The following OPHN1 variants were observed in gnomAD, a reference collection of about 807,000 sequenced individuals.
OPHN1 encodes the protein oligophrenin-1.
OPHN1 carries 11 observed loss-of-function variants against 60.7 expected under a neutral mutation model. That is an observed-to-expected ratio of 0.18 (90% CI 0.11 to 0.30). The LOEUF is 0.30. OPHN1 is among the 10% of genes least tolerant of loss of function. OPHN1 has a pLI of 1.00. For synonymous variants in OPHN1, 226 were observed against 222.6 expected (o/e 1.02, Z -0.14); for missense variants, 449 against 611.0 (o/e 0.73, Z 2.80).
At chrX:68,319,715 G>A (rs1602322257) in intron 2 of OPHN1, among the ~76,000 whole-genome samples, 1 of 110,034 alleles carries the variant, frequency 9.1e-6, no homozygotes, top group South Asian at 4.0e-4. Flanking sequence ...CAGCCTGAGA[G>A]ACCAGAATGA....
chrX:68,148,602 A>G (rs973150268), intron 15 of OPHN1, among the ~76,000 whole-genome samples: 7 of 111,013 alleles, frequency 6.3e-5, no homozygotes, highest in Non-Finnish European at 1.1e-4. Flanking sequence ...AAAATGAGGA[A>G]AAAGGGCAAG....
chrX:68,084,098 T>G (rs997169332), intron 19 of OPHN1, among the ~76,000 whole-genome samples: 1 of 110,415 alleles, frequency 9.1e-6, no homozygotes, highest in Non-Finnish European at 1.9e-5. Flanking sequence ...TAGACTTGCT[T>G]GAAACAGGAT....
At chrX:68,359,304 A>T (rs2078458421) in intron 2 of OPHN1, among the ~76,000 whole-genome samples, 1 of 111,792 alleles carries the variant, frequency 8.9e-6, no homozygotes, top group Admixed American at 9.6e-5. Flanking sequence ...TACAATAACT[A>T]CAAGCCTCCA....
intron 21 of OPHN1, among the ~76,000 whole-genome samples, chrX:68,061,893 C>T (rs2076894482): frequency 9.0e-6 from 1 of 111,657 alleles, no homozygotes; most frequent in Non-Finnish European, 1.9e-5. Context: ...CTAAATTGTG[C>T]TCTGAGACAA....
intron 2 of OPHN1, among the ~76,000 whole-genome samples, chrX:68,402,391 AG>A (rs1436404299): frequency 4.9e-4 from 12 of 24,689 alleles, no homozygotes; most frequent in South Asian, 4.7e-3. Flanking sequence ...GAGAGAAAGA[AG>A]AGAAGAGAAG....
At chrX:68,311,302 C>T (rs2078171806) in intron 2 of OPHN1, among the ~76,000 whole-genome samples, 1 of 111,397 alleles carries the variant, frequency 9.0e-6, no homozygotes, top group Non-Finnish European at 1.9e-5. Context: ...AGAAAAAGAA[C>T]AAAATGGGAA....
intron 18 of OPHN1, among the ~76,000 whole-genome samples, chrX:68,102,819 A>G (rs1260802543): frequency 9.0e-6 from 1 of 111,651 alleles, no homozygotes; most frequent in African/African-American, 3.3e-5. Flanking sequence ...TCCCAAGACT[A>G]AACCAGGAAG....
intron 15 of OPHN1, among the ~76,000 whole-genome samples, chrX:68,153,221 A>C (rs1001581854): frequency 1.3e-4 from 14 of 109,677 alleles, no homozygotes; most frequent in African/African-American, 4.7e-4. Context: ...AAAAAAAAAA[A>C]AAAAAGAAAA....
At chrX:68,195,071 A>G (rs57245406) in intron 12 of OPHN1, among the ~76,000 whole-genome samples, 55 of 90,570 alleles carry the variant, frequency 6.1e-4, no homozygotes, top group African/African-American at 2.5e-3. Flanking sequence ...AGGAAGAAAG[A>G]AAGAAAATAC....
Position 68,261,835 on chromosome X carries a change from CT to C in OPHN1, c.384+12902del, listed in dbSNP as rs779903499. On this transcript the variant is annotated intron_variant, in intron 5 of 24. Coordinates refer to ENST00000355520, the MANE Select transcript of OPHN1 (RefSeq NM_002547.3). ...GGTTCAAATCCTGGATTGTCCACTT[CT>C]TTTTGCCACTGTCAAATAAGTCTAT... Among the ~76,000 whole-genome samples the C allele has an allele frequency of 9.9e-4, 110 of 111,582 alleles. 1 individual carries two copies. The highest frequency in any genetic ancestry group is 3.3e-3 in the African/African-American group (102 of 30,726).
chrX:68,287,717 T>C (rs1375568854), intron 3 of OPHN1, among the ~76,000 whole-genome samples: 1 of 112,150 alleles, frequency 8.9e-6, no homozygotes, highest in African/African-American at 3.2e-5. Context: ...AATAGGAACA[T>C]GGCAAATTAA....
Position 68,158,904 on chromosome X carries a change from G to GC in OPHN1, c.1276+34014dup, listed in dbSNP as rs752375927. ...AGGAAAAGTAATCTGAGAATACTAGGCCCCAATCAGCCCTGCTCCAGCTAA... is the reference window on the plus strand; with the variant it reads ...AGGAAAAGTAATCTGAGAATACTAGGCCCCCAATCAGCCCTGCTCCAGCTAA... On this transcript the variant is annotated intron_variant, in intron 15 of 24. Coordinates refer to ENST00000355520, the MANE Select transcript of OPHN1 (RefSeq NM_002547.3). 2.6e-4 allele frequency among the ~76,000 whole-genome samples: 29 copies of GC among 111,804 alleles called. No homozygotes were observed. In the East Asian group the frequency reaches 7.9e-3, roughly 31 times the overall value.
chrX:68,082,243 C>T (rs1052534622), intron 19 of OPHN1, among the ~76,000 whole-genome samples: 6 of 112,122 alleles, frequency 5.4e-5, no homozygotes, highest in Non-Finnish European at 9.4e-5. Context: ...TTAACTTTTT[C>T]AAACCTCTGT....
chrX:68,231,790 G>T, intron 6 of OPHN1, among the ~76,000 whole-genome samples: 1 of 111,789 alleles, frequency 8.9e-6, no homozygotes, highest in African/African-American at 3.2e-5. Context: ...AGAGGTAGAG[G>T]TAGAAGGAGG....
chrX:68,359,855 CAAAAAAAAA>C (rs1186524030), intron 2 of OPHN1, among the ~76,000 whole-genome samples: 4 of 19,225 alleles, frequency 2.1e-4, no homozygotes, highest in Admixed American at 6.6e-4. Context: ...GACTCCGTCT[CAAAAAAAAA>C]AAAAAAAAAA....
rs778696367 is a variant in OPHN1 at position 68,404,164 on chromosome X, C to CT, written c.154+28702dup. ...AAAACAGTATGGTGGTTCCTAAAAACTTTTTTTTTTTTTTGAGACAGAGTC... is the reference window on the plus strand; with the variant it reads ...AAAACAGTATGGTGGTTCCTAAAAACTTTTTTTTTTTTTTTGAGACAGAGTC... On this transcript the variant is annotated intron_variant, in intron 2 of 24. Transcript: ENST00000355520. Among the ~76,000 whole-genome samples the CT allele has an allele frequency of 2.1e-3, 210 of 100,836 alleles. 2 individuals are homozygous for CT. Among genetic ancestry groups the CT allele is most frequent in the Non-Finnish European group, 2.7e-3 (131 of 49,301 alleles). The allele number at this position is 100,836 out of a possible 115,157, so 87.6% of individuals were successfully genotyped here.
chrX:68,344,322 G>T (rs760698876), intron 2 of OPHN1, among the ~76,000 whole-genome samples: 1 of 112,060 alleles, frequency 8.9e-6, no homozygotes, highest in Non-Finnish European at 1.9e-5. Context: ...ATTTATGTAA[G>T]AAATAATAGC....
chrX:68,126,450 AT>A (rs1167087086), intron 15 of OPHN1, among the ~76,000 whole-genome samples: 18 of 104,918 alleles, frequency 1.7e-4, no homozygotes, highest in Middle Eastern at 5.0e-3. Context: ...CTGCAATTCA[AT>A]TTTTTTTTTT....
chrX:68,092,934 T>A (rs188234275), intron 19 of OPHN1, among the ~76,000 whole-genome samples: 3 of 111,502 alleles, frequency 2.7e-5, no homozygotes, highest in African/African-American at 9.7e-5. Context: ...ATGCAATGAA[T>A]CATCATATAA....
Sources: gnomAD v4.1 joint callset for allele counts (sites outside exome capture counted in the v4.1 genomes callset) on GRCh38, gnomAD v4.1.1 for gene constraint, MANE v1.5 for transcripts, NCBI Gene and HGNC (gene_info 2026-07-23, HGNC 2026-07-21) for gene names.